CASKIN1: variants seen among roughly 807,000 people sequenced by gnomAD.
The protein encoded by CASKIN1 is CASK interacting protein 1.
CASKIN1 carries 42 observed loss-of-function variants against 117.5 expected under a neutral mutation model. That is an observed-to-expected ratio of 0.36 (90% CI 0.28 to 0.46). CASKIN1 has a LOEUF of 0.46. Ranked by LOEUF, CASKIN1 falls within the 20% of genes least tolerant of loss-of-function variation. The pLI is 1.00. For missense variants in CASKIN1, 2,083 were observed against 2,077.3 expected (o/e 1.00, Z -0.05); for synonymous variants, 1,148 against 961.7 (o/e 1.19, Z -3.59).
At position 2,181,837 on chromosome 16, in the gene CASKIN1, G is replaced by T. The variant is rs369097131; in HGVS notation, c.1722C>A (p.Thr574=). ...CCTGCAGGTCCTCCCAGGTGATGTCGGTGATGAAATCAATGTTCTCGTAGC... is the reference window on the plus strand; with the variant it reads ...CCTGCAGGTCCTCCCAGGTGATGTCTGTGATGAAATCAATGTTCTCGTAGC... ...DNGYENIDFI[T]DITWEDLQEI... is the part of the protein sequence containing the mutation. The change falls in exon 17 of 20, where the codon ACC becomes ACA. Residue 574 remains threonine, a synonymous_variant. Transcript: ENST00000343516. 9 of 1,613,722 alleles carry T rather than the reference G, an allele frequency of 5.6e-6. No individual in the cohort carries two copies. The highest frequency in any genetic ancestry group is 7.6e-6 in the Non-Finnish European group (9 of 1,179,982).
In CASKIN1 at chr16:2,180,276, C is replaced by T. The variant is rs561530080; in HGVS notation, c.3092G>A (p.Arg1031His). The change falls in exon 18 of 20, where the codon CGC (arginine) becomes CAC (histidine). Residue 1031 changes from arginine to histidine, a missense_variant. Transcript: ENST00000343516. Reference sequence around the variant, plus strand: ...CCGGCCCGGCTCTGGGCTGGCAGGGCGGGGAGTGGGGTGGCCCTCAGGAGG... The same window carrying T: ...CCGGCCCGGCTCTGGGCTGGCAGGGTGGGGAGTGGGGTGGCCCTCAGGAGG... ...RRPPEGHPTPRPASPEPGRVA... is the reference protein window; with the variant it reads ...RRPPEGHPTPHPASPEPGRVA... 16 of 1,565,658 alleles carry T rather than the reference C, an allele frequency of 1.0e-5. No homozygotes were observed. The highest frequency in any genetic ancestry group is 4.1e-5 in the African/African-American group (3 of 73,832).
At position 2,180,667 on chromosome 16, in the gene CASKIN1, G is replaced by A; in HGVS notation, c.2701C>T (p.Pro901Ser). 1 of 1,521,296 alleles carries A rather than the reference G, an allele frequency of 6.6e-7. No homozygotes were observed. The highest frequency in any genetic ancestry group is 8.8e-7 in the Non-Finnish European group (1 of 1,139,044). The allele number at this position is 1,521,296 out of a possible 1,614,324, so 94.2% of individuals were successfully genotyped here. The change falls in exon 18 of 20, where the codon CCT becomes TCT. Residue 901 changes from proline (P) to serine (S), a missense_variant. Pro to Ser is a moderately conservative substitution (Grantham distance 74). Transcript: ENST00000343516. ...SEPERDELLV[P>S]AAAGPYATVQ... is the part of the protein sequence containing the mutation. ...GTGGCATAGGGGCCGGCAGCCGCAG[G>A]CACCAGCAGCTCGTCCCGCTCCGGC...
chr16:2,192,990 G>GCT (rs2093205332), intron 1 of CASKIN1, among the ~76,000 whole-genome samples: 1 of 152,226 alleles, frequency 6.6e-6, no homozygotes, highest in Non-Finnish European at 1.5e-5. Flanking sequence ...GCCTGCGGAT[G>GCT]CTCTCCTGTC....
In CASKIN1 at chr16:2,189,402, C is replaced by T. The variant is rs1278542467; in HGVS notation, c.390+17G>A. 1 of 1,610,464 alleles carries T rather than the reference C, an allele frequency of 6.2e-7. No homozygotes were observed. Among genetic ancestry groups the T allele is most frequent in the Non-Finnish European group, 8.5e-7 (1 of 1,178,852 alleles). On this transcript the variant is annotated intron_variant, in intron 4 of 19. Transcript: ENST00000343516. ...CGCTGCCCCGCCCCCGCTGCCCCGC[C>T]CCCGCTCGGGCCTCACCACATCATA...
Position 2,181,155 on chromosome 16 carries a change from G to T in CASKIN1, c.2213C>A (p.Pro738Gln), listed in dbSNP as rs201499431. The T allele has an allele frequency of 6.7e-7, 1 of 1,494,422 alleles. No homozygotes were observed. Among genetic ancestry groups the T allele is most frequent in the South Asian group, 1.3e-5 (1 of 74,744 alleles). 92.6% of individuals were successfully genotyped at this position (1,494,422 alleles called of 1,614,324 possible). The change falls in exon 18 of 20, where the codon CCG becomes CAG. Residue 738 changes from proline to glutamine, a missense_variant. Physicochemically the swap from Pro to Gln is moderately conservative, Grantham distance 76. Around this residue, in one of 3 missense-constraint regions of CASKIN1, gnomAD observed 1,818 missense variants for 1,688.9 expected, o/e 1.08. Coordinates refer to ENST00000343516, the MANE Select transcript of CASKIN1 (RefSeq NM_020764.4). ...GCGGCCGGGCCGGGCCTCCCTGGGC[G>T]GGGTGCCGGGGGCGGGGCCCTCATC... ...LLDEGPAPGT[P>Q]PREARPGRHG... is the part of the protein sequence containing the mutation.
chr16:2,177,947 CT>C lies in CASKIN1; in HGVS notation c.*602del, dbSNP rs998335582. The C allele has an allele frequency of 2.8e-6, 1 of 362,714 alleles. No homozygotes were observed. The highest frequency in any genetic ancestry group is 5.2e-6 in the Non-Finnish European group (1 of 193,278). The allele number at this position is 362,714 out of a possible 1,614,324, so 22.5% of individuals were successfully genotyped here. A position where few individuals can be genotyped will look rare whatever the true frequency, so the allele number is the denominator to read the frequency against. ...GGAGGAAGGACCGCAGGCAGACAGC[CT>C]GGGCCTCTAACAGCTTTTGTCCGGA... On this transcript the variant is annotated 3_prime_UTR_variant, in exon 20 of 20. Coordinates refer to ENST00000343516, the MANE Select transcript of CASKIN1 (RefSeq NM_020764.4).
rs1333603548 is a variant in CASKIN1 at position 2,179,346 on chromosome 16, G to A, written c.3776-21C>T. 1.5e-6 allele frequency: 2 copies of A among 1,316,182 alleles called. No individual in the cohort carries two copies. Among genetic ancestry groups the A allele is most frequent in the South Asian group, 2.4e-5 (1 of 42,258 alleles). The allele number at this position is 1,316,182 out of a possible 1,614,324, so 81.5% of individuals were successfully genotyped here. ...CACCTCTGCGGGGAGGACCACGCTG[G>A]CACCGAGCGGGCACGAGTTCCGCCG... On this transcript the variant is annotated intron_variant, in intron 18 of 19. Coordinates refer to ENST00000343516, the MANE Select transcript of CASKIN1 (RefSeq NM_020764.4). The surrounding 1 kb of genome is among the most constrained non-coding windows in gnomAD (Gnocchi z 5.8).
chr16:2,187,055 G>T lies in CASKIN1; in HGVS notation c.853C>A (p.Gln285Lys), dbSNP rs369964678. ...QLLREASAAL[Q>K]VRATKDYCNN... ...CAATAATCCTTGGTCGCCCGGACCTGCAGGGCCGCTGAGGCCTCTGGGGAT... is the reference window on the plus strand; with the variant it reads ...CAATAATCCTTGGTCGCCCGGACCTTCAGGGCCGCTGAGGCCTCTGGGGAT... The change falls in exon 9 of 20, where the codon CAG becomes AAG. Residue 285 changes from glutamine (Q) to lysine (K), a missense_variant. Transcript: ENST00000343516. 57 of 1,613,578 alleles carry T rather than the reference G, an allele frequency of 3.5e-5. No individual in the cohort carries two copies. Among genetic ancestry groups the T allele is most frequent in the Non-Finnish European group, 3.4e-6 (4 of 1,179,924 alleles).
chr16:2,178,494 T>TAGGTC lies in CASKIN1; in HGVS notation c.*51_*55dup. On this transcript the variant is annotated 3_prime_UTR_variant, in exon 20 of 20. Transcript: ENST00000343516. ...GCCCAGACGCGCCCATCCTGAGGTA[T>TAGGTC]AGGTCAGTGTGCGGGGAGGGCCCGG... 1 of 1,385,626 alleles carries TAGGTC rather than the reference T, an allele frequency of 7.2e-7. No homozygotes were observed. The highest frequency in any genetic ancestry group is 2.1e-5 in the Admixed American group (1 of 46,530). 85.8% of individuals were successfully genotyped at this position (1,385,626 alleles called of 1,614,324 possible).
rs565958781 is a variant in CASKIN1, at chr16:2,177,782, C to T, written c.*768G>A. 4 of 244,860 alleles carry T rather than the reference C, an allele frequency of 1.6e-5. No individual in the cohort carries two copies. The highest frequency in any genetic ancestry group is 5.5e-5 in the Admixed American group (1 of 18,208). The allele number at this position is 244,860 out of a possible 1,614,324, so 15.2% of individuals were successfully genotyped here. A position where few individuals can be genotyped will look rare whatever the true frequency, so the allele number is the denominator to read the frequency against. Reference sequence around the variant, plus strand: ...AGCCACGCCAGGAGGAGGACACGGCCGCCGAGAGCAAGGCACAACCTCGAG... The same window carrying T: ...AGCCACGCCAGGAGGAGGACACGGCTGCCGAGAGCAAGGCACAACCTCGAG... On this transcript the variant is annotated 3_prime_UTR_variant, in exon 20 of 20. Transcript: ENST00000343516.
At chr16:2,190,500 C>T (rs543737846) in intron 1 of CASKIN1, 142 bp from the exon 2 acceptor site, 23 of 736,370 alleles carry the variant, frequency 3.1e-5, no homozygotes, top group Non-Finnish European at 4.8e-5. Context: ...CTCGTCCACT[C>T]GTGCACTCAC....
rs2093155685 is a variant in CASKIN1, at chr16:2,178,883, G to GA, written c.4199+18_4199+19insT. 11 of 1,422,678 alleles carry GA rather than the reference G, an allele frequency of 7.7e-6. No homozygotes were observed. The highest frequency in any genetic ancestry group is 1.0e-5 in the Non-Finnish European group (11 of 1,097,364). The allele number at this position is 1,422,678 out of a possible 1,614,324, so 88.1% of individuals were successfully genotyped here. ...GCCGAGCCCCGCCCTCCGCCCGCCA[G>GA]GCCCCGCCCCGCACCTACCGCGGGC... On this transcript the variant is annotated intron_variant, in intron 19 of 19. Coordinates refer to ENST00000343516, the MANE Select transcript of CASKIN1 (RefSeq NM_020764.4).
In CASKIN1 at chr16:2,189,394, TGCCCCGC is replaced by T; in HGVS notation, c.390+18_390+24del. The T allele has an allele frequency of 6.2e-7, 1 of 1,610,224 alleles. No individual in the cohort carries two copies. Among genetic ancestry groups the T allele is most frequent in the Non-Finnish European group, 8.5e-7 (1 of 1,178,708 alleles). ...TCAGGCCGCGCTGCCCCGCCCCCGC[TGCCCCGC>T]CCCCGCTCGGGCCTCACCACATCAT... On this transcript the variant is annotated intron_variant, in intron 4 of 19. Transcript: ENST00000343516.
At position 2,189,544 on chromosome 16, in the gene CASKIN1, C is replaced by A; in HGVS notation, c.265G>T (p.Ala89Ser). The A allele has an allele frequency of 6.2e-7, 1 of 1,609,584 alleles. No homozygotes were observed. Among genetic ancestry groups the A allele is most frequent in the South Asian group, 1.1e-5 (1 of 90,848 alleles). The part of the protein sequence containing the change: ...DNKGMRPLHY[A>S]AWQGRKEPMK... The stretch of plus-strand genomic sequence containing the variant: ...GGCTCCTTCCGGCCCTGCCAGGCCG[C>A]ATAGTGCAGCGGCCGCATGCCTGGG... The change falls in exon 4 of 20, where the codon GCG becomes TCG. Residue 89 changes from alanine to serine, a missense_variant. Around this residue, in one of 3 missense-constraint regions of CASKIN1, gnomAD observed 203 missense variants for 338.7 expected, o/e 0.60. Coordinates refer to ENST00000343516, the MANE Select transcript of CASKIN1 (RefSeq NM_020764.4).
Position 2,178,447 on chromosome 16 carries a change from C to T in CASKIN1, c.*103G>A, listed in dbSNP as rs1383191456. On this transcript the variant is annotated 3_prime_UTR_variant, in exon 20 of 20. Coordinates refer to ENST00000343516, the MANE Select transcript of CASKIN1 (RefSeq NM_020764.4). ...GGCCGGAGTTGTGCTTCTGCAGGGCCCTGCCCGGCCGCTCGCGCCGCGCCC... is the reference window on the plus strand; with the variant it reads ...GGCCGGAGTTGTGCTTCTGCAGGGCTCTGCCCGGCCGCTCGCGCCGCGCCC... 5 of 894,922 alleles carry T rather than the reference C, an allele frequency of 5.6e-6. No homozygotes were observed. In the African/African-American group the frequency reaches 9.0e-5, roughly 16 times the overall value. 55.4% of individuals were successfully genotyped at this position (894,922 alleles called of 1,614,324 possible). A position where few individuals can be genotyped will look rare whatever the true frequency, so the allele number is the denominator to read the frequency against.
chr16:2,194,697 G>A (rs1249886102), intron 1 of CASKIN1, among the ~76,000 whole-genome samples: 1 of 152,190 alleles, frequency 6.6e-6, no homozygotes, highest in Non-Finnish European at 1.5e-5. Context: ...GAGAGCAGGA[G>A]CCGGGGCCAG....
chr16:2,179,030 GGGGGGC>G lies in CASKIN1; in HGVS notation c.4065_4070del (p.Pro1356_Pro1357del). 1 of 1,144,876 alleles carries G rather than the reference GGGGGGC, an allele frequency of 8.7e-7. No individual in the cohort carries two copies. Among genetic ancestry groups the G allele is most frequent in the Non-Finnish European group, 1.1e-6 (1 of 932,968 alleles). The allele number at this position is 1,144,876 out of a possible 1,614,324, so 70.9% of individuals were successfully genotyped here. On this transcript the variant is annotated inframe_deletion, in exon 19 of 20. Transcript: ENST00000343516. This position sits in a 1 kb window ranked among gnomAD's most constrained non-coding sequence, Gnocchi z 5.8. Reference sequence around the variant, plus strand: ...CTGGCGAGGCGCCTTCGGGCGGGGCGGGGGGCGCGGCGGCGGCGGCGGCGGCGGCGG... The same window carrying G: ...CTGGCGAGGCGCCTTCGGGCGGGGCGGCGGCGGCGGCGGCGGCGGCGGCGG...
chr16:2,178,566 T>G lies in CASKIN1; in HGVS notation c.4280A>C (p.Asp1427Ala), dbSNP rs765652397. The G allele has an allele frequency of 1.8e-5, 28 of 1,594,836 alleles. No individual in the cohort carries two copies. The South Asian group carries it at 2.6e-4, about 15-fold the overall frequency. Reference sequence around the variant, plus strand: ...AGGCGGCGTTCACTCCAGCATGGCATCCAGCTGGTCGGCCAGGTCGTCGAA... The same window carrying G: ...AGGCGGCGTTCACTCCAGCATGGCAGCCAGCTGGTCGGCCAGGTCGTCGAA... ...SMFDDLADQL[D>A]AMLE Residue 1427 changes from aspartate (D) to alanine (A), a missense_variant, in exon 20 of 20, where the codon GAT becomes GCT. Physicochemically the swap from Asp to Ala is moderately radical, Grantham distance 126 (BLOSUM62 -2). Transcript: ENST00000343516.
Position 2,182,848 on chromosome 16 carries a change from TG to T in CASKIN1, c.1629+797del, listed in dbSNP as rs1201604255. Among the ~76,000 whole-genome samples, 1 of 152,240 alleles carries T rather than the reference TG, an allele frequency of 6.6e-6. No individual in the cohort carries two copies. Among genetic ancestry groups the T allele is most frequent in the East Asian group, 1.9e-4 (1 of 5,198 alleles). On this transcript the variant is annotated intron_variant, in intron 16 of 19. Transcript: ENST00000343516. This position sits in a 1 kb window ranked among gnomAD's most constrained non-coding sequence, Gnocchi z 4.1. Reference sequence around the variant, plus strand: ...CTCTGTCGCCCAGGCTGGAGTGCAGTGGCGCAATCTCGGCTCACTGCAAGCT... The same window carrying T: ...CTCTGTCGCCCAGGCTGGAGTGCAGTGCGCAATCTCGGCTCACTGCAAGCT...
Sources: allele counts gnomAD v4.1 joint callset (sites outside exome capture counted in the v4.1 genomes callset), GRCh38; gene constraint gnomAD v4.1.1; regional missense constraint gnomAD v4.1.1; non-coding constraint Gnocchi (gnomAD v3.1); transcripts MANE v1.5; gene names NCBI Gene and HGNC (gene_info 2026-07-23, HGNC 2026-07-21).